EHBP1: variants seen among roughly 807,000 people sequenced by gnomAD.
EHBP1 encodes the protein EH domain binding protein 1.
EHBP1 carries 55 observed loss-of-function variants against 144.0 expected under a neutral mutation model. The observed-to-expected ratio is 0.38, with a 90% CI of 0.31 to 0.48. The LOEUF is 0.48. Among genes scored for constraint, EHBP1 ranks in the 20% least tolerant of loss-of-function variants. The pLI is 0.98. For synonymous variants in EHBP1, 469 were observed against 472.7 expected, an observed-to-expected ratio of 0.99 and a Z score of 0.10; for missense variants, 1,200 against 1,364.2, an observed-to-expected ratio of 0.88 and a Z score of 1.90.
At chr2:62,945,339 T>C (rs2056999335) in intron 12 of EHBP1, among the ~76,000 whole-genome samples, 1 of 152,176 alleles carries the variant, frequency 6.6e-6, no homozygotes, top group South Asian at 2.1e-4. Context: ...AAGGGACCCA[T>C]TGCCAAAAGG....
At chr2:62,769,122 C>T (rs948931408) in intron 4 of EHBP1, among the ~76,000 whole-genome samples, 1 of 152,284 alleles carries the variant, frequency 6.6e-6, no homozygotes, top group African/African-American at 2.4e-5. Context: ...CCTTTCTCAC[C>T]ACTCCTATTT....
At chr2:62,880,040 GA>G (rs1037222907) in intron 10 of EHBP1, among the ~76,000 whole-genome samples, 5 of 152,082 alleles carry the variant, frequency 3.3e-5, no homozygotes, top group African/African-American at 1.2e-4. Context: ...ACAGTTAAGA[GA>G]ACTCAGAAAT....
chr2:62,855,300 C>T (rs540596819), intron 7 of EHBP1, among the ~76,000 whole-genome samples: 2 of 152,352 alleles, frequency 1.3e-5, no homozygotes, highest in East Asian at 3.9e-4. Flanking sequence ...ACACCAGCCC[C>T]CTGCCACCTC....
Position 62,942,809 on chromosome 2 carries a change from G to A in EHBP1, c.1277G>A (p.Arg426Gln), listed in dbSNP as rs753101629. 13 of 1,613,620 alleles carry A rather than the reference G, an allele frequency of 8.1e-6. No individual in the cohort carries two copies. Among genetic ancestry groups the A allele is most frequent in the South Asian group, 3.3e-5 (3 of 91,048 alleles). The change falls in exon 11 of 23, where the codon CGA (arginine) becomes CAA (glutamine). Residue 426 changes from arginine (R) to glutamine (Q), a missense_variant. Coordinates refer to ENST00000431489, the MANE Select transcript of EHBP1 (RefSeq NM_001142616.3). ...VWCKEVTKNY[R>Q]GVKITNFTTS... is the part of the protein sequence containing the mutation. ...TGTAAAGAAGTTACAAAGAACTACC[G>A]AGGAGTAAAAATCACCAATTTTACT...
chr2:62,995,241 A>G (rs1194146652), intron 18 of EHBP1, among the ~76,000 whole-genome samples: 1 of 152,034 alleles, frequency 6.6e-6, no homozygotes, highest in Non-Finnish European at 1.5e-5. Flanking sequence ...CATTTTGCAT[A>G]AATTTTTTAA....
rs984975741 is a variant in EHBP1, at chr2:62,875,912, C to T, written c.1185+1380C>T. On this transcript the variant is annotated intron_variant, in intron 10 of 22. Transcript: ENST00000431489. ...GAGCTTGGAGACCAATTCTTCTAAACAGCTCAGTCAGACAAAAATACAGAA... is the reference window on the plus strand; with the variant it reads ...GAGCTTGGAGACCAATTCTTCTAAATAGCTCAGTCAGACAAAAATACAGAA... Among the ~76,000 whole-genome samples, 15 of 152,206 alleles carry T rather than the reference C, an allele frequency of 9.9e-5. No individual in the cohort carries two copies. In the Middle Eastern group the frequency reaches 0.014, roughly 138 times the overall value.
At chr2:62,875,328 G>A (rs1172608000) in intron 10 of EHBP1, among the ~76,000 whole-genome samples, 12 of 152,178 alleles carry the variant, frequency 7.9e-5, no homozygotes, top group Admixed American at 7.9e-4. Context: ...CAAAGCCGTG[G>A]GTCTGGTACC....
chr2:62,849,443 A>C (rs1202673272), intron 7 of EHBP1, among the ~76,000 whole-genome samples: 1 of 152,132 alleles, frequency 6.6e-6, no homozygotes, highest in Non-Finnish European at 1.5e-5. Context: ...AACTACATTG[A>C]ACTACCCAGC....
intron 10 of EHBP1, among the ~76,000 whole-genome samples, chr2:62,888,368 A>G (rs988871255): frequency 2.0e-5 from 3 of 152,240 alleles, no homozygotes; most frequent in African/African-American, 7.2e-5. Flanking sequence ...TCAATGGGAA[A>G]GATAAAAATG....
chr2:62,680,441 C>T (rs2033471736), intron 1 of EHBP1, among the ~76,000 whole-genome samples: 1 of 152,152 alleles, frequency 6.6e-6, no homozygotes, highest in South Asian at 2.1e-4. Context: ...TGACTTAAAA[C>T]TTATCTTGCC....
intron 19 of EHBP1, among the ~76,000 whole-genome samples, chr2:63,034,781 TCTTA>T (rs1353441426): frequency 1.3e-5 from 2 of 152,012 alleles, no homozygotes; most frequent in Non-Finnish European, 2.9e-5. Context: ...TTTAATGAGC[TCTTA>T]CTTAATCAGT....
chr2:62,720,214 A>G (rs2036092414), intron 2 of EHBP1, among the ~76,000 whole-genome samples: 1 of 152,200 alleles, frequency 6.6e-6, no homozygotes, highest in Non-Finnish European at 1.5e-5. Flanking sequence ...GGAGTCTGAA[A>G]AAAATTACAC....
intron 5 of EHBP1, among the ~76,000 whole-genome samples, chr2:62,788,792 A>G (rs1052731555): frequency 6.6e-6 from 1 of 152,174 alleles, no homozygotes; most frequent in Non-Finnish European, 1.5e-5. Context: ...CCATTCCAGT[A>G]CCTTCATTAC....
chr2:62,937,933 G>C (rs1203362562), intron 10 of EHBP1, among the ~76,000 whole-genome samples: 1 of 152,168 alleles, frequency 6.6e-6, no homozygotes, highest in South Asian at 2.1e-4. Flanking sequence ...GGTTACCGAG[G>C]GGGGATTTGG....
intron 12 of EHBP1, among the ~76,000 whole-genome samples, chr2:62,946,037 A>C (rs927697447): frequency 8.5e-5 from 13 of 152,338 alleles, no homozygotes; most frequent in South Asian, 4.2e-4. Context: ...TGGGTGTGGC[A>C]GTGCTTTACC....
intron 10 of EHBP1, among the ~76,000 whole-genome samples, chr2:62,929,717 A>C (rs755614231): frequency 2.0e-5 from 3 of 152,184 alleles, no homozygotes; most frequent in Non-Finnish European, 2.9e-5. Context: ...TAGCCATCAC[A>C]CTTAGGCAAG....
chr2:62,747,987 CTG>C (rs1414671224), intron 3 of EHBP1, among the ~76,000 whole-genome samples: 5 of 152,052 alleles, frequency 3.3e-5, no homozygotes, highest in Non-Finnish European at 7.4e-5. Context: ...GCCCTTAGAA[CTG>C]TGAGAAAATA....
chr2:63,026,334 G>GTC (rs1474387576), intron 19 of EHBP1, among the ~76,000 whole-genome samples: 165 of 150,096 alleles, frequency 1.1e-3, no homozygotes, highest in South Asian at 2.1e-3. Flanking sequence ...GTGTGTGTGT[G>GTC]TGTGTGTGTG....
chr2:62,917,019 G>T (rs1444002630), intron 10 of EHBP1, among the ~76,000 whole-genome samples: 1 of 151,964 alleles, frequency 6.6e-6, no homozygotes, highest in Non-Finnish European at 1.5e-5. Context: ...TGAGAAATGT[G>T]CCATTAGGCA....
Sources: allele counts gnomAD v4.1 joint callset (sites outside exome capture counted in the v4.1 genomes callset), GRCh38; gene constraint gnomAD v4.1.1; transcripts MANE v1.5; gene names NCBI Gene and HGNC (gene_info 2026-07-23, HGNC 2026-07-21).